Variants in EBF1 observed in about 807,000 individuals in gnomAD.
The protein encoded by EBF1 is transcription factor COE1.
Under a neutral mutation model 68.4 loss-of-function variants are expected in EBF1, and 10 were observed. The ratio of observed to expected loss-of-function variants is 0.15; its 90% CI spans 0.09 to 0.25. The LOEUF (loss-of-function observed/expected upper bound fraction) is 0.25. Ranked by LOEUF, EBF1 falls within the 10% of genes least tolerant of loss-of-function variation. The pLI is 1.00. For synonymous variants in EBF1, 298 were observed against 299.8 expected (o/e 0.99, Z 0.06); for missense variants, 509 against 794.4 (o/e 0.64, Z 4.32).
intron 10 of EBF1, among the ~76,000 whole-genome samples, chr5:158,764,058 C>A (rs1269537987): frequency 1.3e-5 from 2 of 152,182 alleles, no homozygotes; most frequent in Non-Finnish European, 2.9e-5. Context: ...ATATGCATGA[C>A]CTTATCAAAC....
intron 6 of EBF1, among the ~76,000 whole-genome samples, chr5:158,878,644 C>CTTA (rs1798240572): frequency 7.1e-6 from 1 of 140,580 alleles, no homozygotes; most frequent in East Asian, 2.1e-4. Flanking sequence ...TCTAGCCAGC[C>CTTA]TTTTTTTTTT....
intron 6 of EBF1, among the ~76,000 whole-genome samples, chr5:158,937,283 C>T (rs1050637848): frequency 2.0e-5 from 3 of 152,116 alleles, no homozygotes; most frequent in East Asian, 1.9e-4. Context: ...GAAGGTCTTC[C>T]ATATAAAATA....
At chr5:158,781,572 C>T (rs1399192158) in intron 9 of EBF1, among the ~76,000 whole-genome samples, 1 of 152,172 alleles carries the variant, frequency 6.6e-6, no homozygotes, top group Non-Finnish European at 1.5e-5. Context: ...TATCATCTTA[C>T]TACCTGTAAA....
At chr5:158,872,536 G>T (rs1458555245) in intron 6 of EBF1, among the ~76,000 whole-genome samples, 1 of 152,122 alleles carries the variant, frequency 6.6e-6, no homozygotes, top group African/African-American at 2.4e-5. Flanking sequence ...TGATAGAATG[G>T]AAGGAAATGA....
chr5:158,986,205 C>G (rs1156442415), intron 6 of EBF1, among the ~76,000 whole-genome samples: 1 of 152,224 alleles, frequency 6.6e-6, no homozygotes, highest in Admixed American at 6.5e-5. Context: ...TCCCTTTTAT[C>G]TCCCCCTTCC....
At chr5:158,862,670 G>T (rs1795169540) in intron 6 of EBF1, among the ~76,000 whole-genome samples, 2 of 151,984 alleles carry the variant, frequency 1.3e-5, no homozygotes, top group Non-Finnish European at 2.9e-5. Context: ...CCAAGAGTAG[G>T]GTGAGAGAAA....
intron 6 of EBF1, among the ~76,000 whole-genome samples, chr5:158,936,387 T>C (rs1276419380): frequency 6.6e-6 from 1 of 152,210 alleles, no homozygotes; most frequent in African/African-American, 2.4e-5. Context: ...GTTTGTTACT[T>C]TGTATCCTAG....
intron 6 of EBF1, among the ~76,000 whole-genome samples, chr5:158,967,076 C>T (rs1003331501): frequency 4.7e-5 from 7 of 150,130 alleles, no homozygotes; most frequent in African/African-American, 1.7e-4. Flanking sequence ...AAAACCTTTT[C>T]AGGAAATAAG....
chr5:158,733,936 CTG>C (rs1348579648), intron 10 of EBF1, among the ~76,000 whole-genome samples: 2 of 152,114 alleles, frequency 1.3e-5, no homozygotes, highest in African/African-American at 4.8e-5. Flanking sequence ...CTGACAAAGA[CTG>C]TTATTTTAAC....
Position 158,866,706 on chromosome 5 carries a change from C to T in EBF1, c.555-26596G>A, listed in dbSNP as rs554726706. Reference sequence around the variant, plus strand: ...GCGTTTATGAGTGCAGCTTTGTCGCCGTTAACAAATGATGTTCTGGCCCAC... The same window carrying T: ...GCGTTTATGAGTGCAGCTTTGTCGCTGTTAACAAATGATGTTCTGGCCCAC... On this transcript the variant is annotated intron_variant, in intron 6 of 15. Coordinates refer to ENST00000313708, the MANE Select transcript of EBF1 (RefSeq NM_024007.5). 2.0e-4 allele frequency among the ~76,000 whole-genome samples: 31 copies of T among 151,342 alleles called. No homozygotes were observed. In the East Asian group the frequency reaches 2.5e-3, roughly 12 times the overall value.
At chr5:158,998,340 C>A (rs1434691309) in intron 6 of EBF1, among the ~76,000 whole-genome samples, 1 of 152,124 alleles carries the variant, frequency 6.6e-6, no homozygotes, top group Non-Finnish European at 1.5e-5. Flanking sequence ...TAAAACTGCC[C>A]CTACTCCGCA....
chr5:158,946,446 T>C (rs1324045291), intron 6 of EBF1, among the ~76,000 whole-genome samples: 1 of 152,184 alleles, frequency 6.6e-6, no homozygotes, highest in Non-Finnish European at 1.5e-5. Flanking sequence ...AGGCCCCTCT[T>C]CTGCAGGTCT....
chr5:158,984,352 C>G (rs1758531865), intron 6 of EBF1, among the ~76,000 whole-genome samples: 1 of 152,130 alleles, frequency 6.6e-6, no homozygotes, highest in Non-Finnish European at 1.5e-5. Context: ...GTTTATACTT[C>G]ATTTTTCCAT....
intron 10 of EBF1, among the ~76,000 whole-genome samples, chr5:158,774,905 G>T (rs1403946595): frequency 6.6e-6 from 1 of 151,850 alleles, no homozygotes; most frequent in African/African-American, 2.4e-5. Flanking sequence ...CTATACCAGA[G>T]GGGAAATCAT....
chr5:158,971,645 G>C (rs1206608342), intron 6 of EBF1, among the ~76,000 whole-genome samples: 3 of 152,166 alleles, frequency 2.0e-5, no homozygotes, highest in Non-Finnish European at 4.4e-5. Context: ...GGAGGAAATT[G>C]TCAAGGAGAT....
At chr5:158,844,601 G>C (rs985866490) in intron 6 of EBF1, among the ~76,000 whole-genome samples, 3 of 152,174 alleles carry the variant, frequency 2.0e-5, no homozygotes, top group Admixed American at 6.5e-5. Context: ...CACATAGTTA[G>C]TAATGAATAT....
At chr5:158,763,442 A>T (rs950729479) in intron 10 of EBF1, among the ~76,000 whole-genome samples, 3 of 152,116 alleles carry the variant, frequency 2.0e-5, no homozygotes, top group African/African-American at 4.8e-5. Flanking sequence ...ACTCCACTTC[A>T]CCCACAGTGA....
At chr5:158,973,485 A>C (rs1756073324) in intron 6 of EBF1, among the ~76,000 whole-genome samples, 1 of 151,836 alleles carries the variant, frequency 6.6e-6, no homozygotes, top group Admixed American at 6.6e-5. Flanking sequence ...ACACACACAC[A>C]CCTGCTGCCT....
intron 9 of EBF1, among the ~76,000 whole-genome samples, chr5:158,792,024 G>T (rs562248770): frequency 6.6e-6 from 1 of 152,052 alleles, no homozygotes; most frequent in African/African-American, 2.4e-5. Flanking sequence ...GCCCCTCCCT[G>T]CTCCAAATCA....
Sources: allele counts gnomAD v4.1 joint callset (sites outside exome capture counted in the v4.1 genomes callset), GRCh38; gene constraint gnomAD v4.1.1; transcripts MANE v1.5; gene names NCBI Gene and HGNC (gene_info 2026-07-23, HGNC 2026-07-21).